The following WDR7 variants were observed in gnomAD, a reference collection of about 807,000 sequenced individuals.
WDR7 encodes WD repeat domain 7.
Under a neutral mutation model 169.4 loss-of-function variants are expected in WDR7, and 46 were observed. The ratio of observed to expected loss-of-function variants is 0.27; its 90% CI spans 0.21 to 0.35. The LOEUF is 0.35. WDR7 is among the 10% of genes least tolerant of loss of function. The pLI, the probability that WDR7 is intolerant of heterozygous loss-of-function variation, is 1.00. For synonymous variants in WDR7, 612 were observed against 666.8 expected, an observed-to-expected ratio of 0.92 and a Z score of 1.27; for missense variants, 1,534 against 1,859.3, an observed-to-expected ratio of 0.83 and a Z score of 3.22.
intron 21 of WDR7, among the ~76,000 whole-genome samples, chr18:56,919,343 G>A (rs1296482906): frequency 6.6e-6 from 1 of 152,204 alleles, no homozygotes; most frequent in Admixed American, 6.5e-5. Flanking sequence ...CTGGGAAGTG[G>A]ATGCTGTGCT....
intron 23 of WDR7, chr18:56,936,272 A>G (rs2046959435): frequency 1.2e-5 from 2 of 173,736 alleles, no homozygotes; most frequent in East Asian, 3.2e-4. Context: ...CTTATTTAGT[A>G]CTGGCTCTCT....
intron 26 of WDR7, among the ~76,000 whole-genome samples, chr18:56,999,833 G>T (rs1009154489): frequency 7.2e-5 from 11 of 152,144 alleles, no homozygotes; most frequent in Admixed American, 1.3e-4. Context: ...AGGACTGCTA[G>T]AAAACCCCCC....
At chr18:56,758,343 T>A (rs1031039067) in intron 15 of WDR7, among the ~76,000 whole-genome samples, 1 of 152,332 alleles carries the variant, frequency 6.6e-6, no homozygotes, top group Non-Finnish European at 1.5e-5. Context: ...TTATTATCCC[T>A]TTTATTACGG....
At chr18:56,923,384 CATT>C (rs1176744254) in intron 21 of WDR7, among the ~76,000 whole-genome samples, 1 of 152,216 alleles carries the variant, frequency 6.6e-6, no homozygotes, top group Non-Finnish European at 1.5e-5. Flanking sequence ...CACTTGACAT[CATT>C]GTACTATATC....
rs146043716 is a variant in WDR7, at chr18:56,774,947, G to A, written c.2849-1835G>A. 4.0e-5 allele frequency among the ~76,000 whole-genome samples: 6 copies of A among 151,856 alleles called. No homozygotes were observed. In the East Asian group the frequency reaches 9.7e-4, roughly 24 times the overall value. Reference sequence around the variant, plus strand: ...AATATGACTTCAAAAATACAATATCGAGAATCTGTTTTTTTCTTTCCTTAA... The same window carrying A: ...AATATGACTTCAAAAATACAATATCAAGAATCTGTTTTTTTCTTTCCTTAA... On this transcript the variant is annotated intron_variant, in intron 16 of 27. Coordinates refer to ENST00000254442, the MANE Select transcript of WDR7 (RefSeq NM_015285.3).
At chr18:56,892,564 C>A (rs1237828800) in intron 21 of WDR7, among the ~76,000 whole-genome samples, 1 of 151,968 alleles carries the variant, frequency 6.6e-6, no homozygotes, top group Non-Finnish European at 1.5e-5. Context: ...CACAGCCATA[C>A]CCATGTGTTT....
chr18:56,726,812 G>T (rs1323281165), intron 13 of WDR7, among the ~76,000 whole-genome samples: 1 of 152,108 alleles, frequency 6.6e-6, no homozygotes, highest in Non-Finnish European at 1.5e-5. Context: ...TCATGAATTT[G>T]AGGTTTCCAT....
At chr18:56,803,860 G>A (rs1012784765) in intron 19 of WDR7, among the ~76,000 whole-genome samples, 15 of 152,060 alleles carry the variant, frequency 9.9e-5, no homozygotes, top group African/African-American at 2.9e-4. Context: ...GGAGTGTAGC[G>A]GTGCCATCAT....
chr18:56,671,630 C>T (rs1223056154), intron 1 of WDR7, among the ~76,000 whole-genome samples: 3 of 152,058 alleles, frequency 2.0e-5, no homozygotes, highest in Non-Finnish European at 4.4e-5. Context: ...TTTTCTTGGG[C>T]GTTGGTATTT....
chr18:56,675,982 T>A (rs888357576), intron 2 of WDR7, among the ~76,000 whole-genome samples: 16 of 152,022 alleles, frequency 1.1e-4, no homozygotes, highest in Non-Finnish European at 2.2e-4. Flanking sequence ...ACTACACACC[T>A]GGCTATTATT....
intron 21 of WDR7, among the ~76,000 whole-genome samples, chr18:56,895,696 C>T (rs2046323642): frequency 6.6e-6 from 1 of 151,548 alleles, no homozygotes; most frequent in Non-Finnish European, 1.5e-5. Flanking sequence ...ATATGTATAT[C>T]TACCATGTAC....
At chr18:56,873,043 A>G (rs1393213267) in intron 20 of WDR7, among the ~76,000 whole-genome samples, 1 of 152,202 alleles carries the variant, frequency 6.6e-6, no homozygotes. Flanking sequence ...TATTTTTAGA[A>G]CAGTAGCAGG....
chr18:56,820,891 C>A (rs2045083203), intron 20 of WDR7, among the ~76,000 whole-genome samples: 1 of 152,086 alleles, frequency 6.6e-6, no homozygotes, highest in Non-Finnish European at 1.5e-5. Context: ...AAAAAACTTA[C>A]ATGATTGATA....
intron 20 of WDR7, among the ~76,000 whole-genome samples, chr18:56,851,568 C>CA (rs1322214821): frequency 6.6e-6 from 1 of 152,094 alleles, no homozygotes; most frequent in Non-Finnish European, 1.5e-5. Flanking sequence ...GATGACCTAC[C>CA]AAAGCACCCA....
chr18:56,901,058 C>G (rs2046394426), intron 21 of WDR7, among the ~76,000 whole-genome samples: 1 of 152,080 alleles, frequency 6.6e-6, no homozygotes, highest in Admixed American at 6.5e-5. Flanking sequence ...TCTCATAAAT[C>G]AAAACTTTCA....
intron 22 of WDR7, among the ~76,000 whole-genome samples, chr18:56,932,697 G>A (rs1201942402): frequency 6.6e-6 from 1 of 152,168 alleles, no homozygotes; most frequent in Non-Finnish European, 1.5e-5. Context: ...CTGTGAAGTA[G>A]ATATTTTAAT....
chr18:56,659,462 C>G (rs1028719830), intron 1 of WDR7, among the ~76,000 whole-genome samples: 1 of 152,144 alleles, frequency 6.6e-6, no homozygotes, highest in African/African-American at 2.4e-5. Flanking sequence ...AAACACAGAT[C>G]TTTACCATCA....
At chr18:56,785,242 C>T (rs2044380671) in intron 19 of WDR7, among the ~76,000 whole-genome samples, 1 of 152,138 alleles carries the variant, frequency 6.6e-6, no homozygotes, top group South Asian at 2.1e-4. Context: ...CATCAACGTG[C>T]TTGTACTGAA....
intron 2 of WDR7, among the ~76,000 whole-genome samples, chr18:56,674,052 T>C (rs1405993655): frequency 6.6e-6 from 1 of 152,260 alleles, no homozygotes; most frequent in Non-Finnish European, 1.5e-5. Flanking sequence ...CAAATATTTC[T>C]GGCCCTTATG....
Sources: allele counts gnomAD v4.1 joint callset (sites outside exome capture counted in the v4.1 genomes callset), GRCh38; gene constraint gnomAD v4.1.1; transcripts MANE v1.5; gene names NCBI Gene and HGNC (gene_info 2026-07-23, HGNC 2026-07-21).